The following TSPEAR variants were observed in gnomAD, a reference collection of about 807,000 sequenced individuals.
The protein encoded by TSPEAR is thrombospondin-type laminin G domain and EAR repeat-containing protein.
A neutral mutation model predicts 71.6 loss-of-function variants in TSPEAR; 69 were observed. The ratio of observed to expected loss-of-function variants is 0.96; its 90% CI spans 0.79 to 1.18. TSPEAR has a LOEUF of 1.18. Among genes scored for constraint, TSPEAR ranks in the 50% most tolerant of loss-of-function variants. The pLI, the probability that TSPEAR is intolerant of heterozygous loss-of-function variation, is 0.00. For synonymous variants in TSPEAR, 402 were observed against 387.2 expected (o/e 1.04, Z -0.45); for missense variants, 971 against 894.9 (o/e 1.09, Z -1.09).
intron 1 of TSPEAR, among the ~76,000 whole-genome samples, chr21:44,680,754 C>T (rs782364747): frequency 7.2e-5 from 11 of 152,066 alleles, no homozygotes; most frequent in Non-Finnish European, 1.5e-4. Flanking sequence ...TGGATGGAAC[C>T]GAAGGTCATT....
intron 1 of TSPEAR, among the ~76,000 whole-genome samples, chr21:44,658,999 A>G (rs1025221044): frequency 1.2e-4 from 18 of 152,148 alleles, no homozygotes; most frequent in African/African-American, 4.3e-4. Flanking sequence ...CACCACAAAT[A>G]CAGAGCAGAG....
At chr21:44,551,354 G>T in intron 2 of TSPEAR, 3 of 1,613,190 alleles carry the variant, frequency 1.9e-6, no homozygotes, top group Non-Finnish European at 2.5e-6. Flanking sequence ...GGGCACAGCA[G>T]CTGGGGGTGC....
At chr21:44,627,889 A>G (rs782540696) in intron 1 of TSPEAR, 2 of 1,609,328 alleles carry the variant, frequency 1.2e-6, no homozygotes, top group Non-Finnish European at 8.5e-7. Flanking sequence ...CCCTGTGTGC[A>G]GGCCCGCCTG....
At chr21:44,538,240 T>C (rs1480965675) in intron 2 of TSPEAR, among the ~76,000 whole-genome samples, 1 of 152,166 alleles carries the variant, frequency 6.6e-6, no homozygotes, top group Non-Finnish European at 1.5e-5. Flanking sequence ...CGGAGCCCCA[T>C]GCGCTGCCTG....
chr21:44,641,432 T>C (rs1555938527), intron 1 of TSPEAR, among the ~76,000 whole-genome samples: 1 of 152,084 alleles, frequency 6.6e-6, no homozygotes, highest in Non-Finnish European at 1.5e-5. Flanking sequence ...TGACCCCAGT[T>C]CAGGCAAGGA....
intron 1 of TSPEAR, among the ~76,000 whole-genome samples, chr21:44,590,014 G>A (rs587653104): frequency 6.6e-6 from 1 of 152,250 alleles, no homozygotes; most frequent in Non-Finnish European, 1.5e-5. Flanking sequence ...GGTGGACAAG[G>A]CTGTGTCAGT....
rs782088338 is a variant in TSPEAR at position 44,697,832 on chromosome 21, G to A, written c.82+13601C>T. ...GTGCAGACCCGCCCGCCGCGTGCCC[G>A]TCCCCTCCTGCTGTGTCCCCACCTC... On this transcript the variant is annotated intron_variant, in intron 1 of 11. Coordinates refer to ENST00000323084, the MANE Select transcript of TSPEAR (RefSeq NM_144991.3). The A allele has an allele frequency of 2.4e-5, 39 of 1,613,014 alleles. No individual in the cohort carries two copies. In the Middle Eastern group the frequency reaches 5.0e-4, roughly 21 times the overall value.
chr21:44,546,694 C>T lies in TSPEAR; in HGVS notation c.304-12771G>A, dbSNP rs1320326586. The stretch of plus-strand genomic sequence containing the variant: ...CCTTTTTGGTTGTTGGTTTCCCCTG[C>T]CGCTGTACCCCAAGCCAGCATGTGA... On this transcript the variant is annotated intron_variant, in intron 2 of 11. Coordinates refer to ENST00000323084, the MANE Select transcript of TSPEAR (RefSeq NM_144991.3). This position sits in a 1 kb window ranked among gnomAD's most constrained non-coding sequence, Gnocchi z 4.4. 6.6e-6 allele frequency among the ~76,000 whole-genome samples: 1 copy of T among 152,202 alleles called. No homozygotes were observed. The highest frequency in any genetic ancestry group is 1.5e-5 in the Non-Finnish European group (1 of 68,036).
intron 1 of TSPEAR, among the ~76,000 whole-genome samples, chr21:44,570,273 G>A (rs2053773831): frequency 6.6e-6 from 1 of 152,226 alleles, no homozygotes; most frequent in African/African-American, 2.4e-5. Context: ...TCCCTCCACT[G>A]TTTAATTAAA....
In TSPEAR at chr21:44,709,257, C is replaced by G. The variant is rs1349208226; in HGVS notation, c.82+2176G>C. Among the ~76,000 whole-genome samples, 63 of 152,360 alleles carry G rather than the reference C, an allele frequency of 4.1e-4. 1 individual carries two copies. The highest frequency in any genetic ancestry group is 4.1e-3 in the Admixed American group (63 of 15,306). ...CCGAGCCTAGGGCGCAGCCCACTCT[C>G]CTGGGTCCGCAGCATCACGCAGCCC... is the stretch of plus-strand genomic sequence containing the variant. On this transcript the variant is annotated intron_variant, in intron 1 of 11. Transcript: ENST00000323084.
chr21:44,674,818 G>T lies in TSPEAR; in HGVS notation c.82+36615C>A, dbSNP rs587663953. Among the ~76,000 whole-genome samples, 35 of 147,108 alleles carry T rather than the reference G, an allele frequency of 2.4e-4. No homozygotes were observed. The South Asian group carries it at 3.7e-3, about 15-fold the overall frequency. On this transcript the variant is annotated intron_variant, in intron 1 of 11. Coordinates refer to ENST00000323084, the MANE Select transcript of TSPEAR (RefSeq NM_144991.3). ...TACCAGAGACTATGCTCTAAAAACT[G>T]GTAAACCTAGAGGAAATGATAATTT...
chr21:44,582,043 G>A (rs1428767913), intron 1 of TSPEAR, among the ~76,000 whole-genome samples: 1 of 152,108 alleles, frequency 6.6e-6, no homozygotes, highest in African/African-American at 2.4e-5. Flanking sequence ...ATTAGTAGAG[G>A]TTGTGCGAGA....
At position 44,525,829 on chromosome 21, in the gene TSPEAR, G is replaced by T. The variant is rs782571753; in HGVS notation, c.1160C>A (p.Ala387Glu). The stretch of plus-strand genomic sequence containing the variant: ...CTCATCTGGTTCAAAATTAGCCACT[G>T]CCAGGAAGATCTGAAAGAGAGTAAA... Reference protein sequence around the residue: ...HFTIGKKIFLAVANFEPDEKG... With the variant: ...HFTIGKKIFLEVANFEPDEKG... The change falls in exon 8 of 12, where the codon GCA (alanine) becomes GAA (glutamate). Residue 387 changes from alanine to glutamate, a missense_variant. By Grantham distance (107) the Ala-to-Glu change is moderately radical. Transcript: ENST00000323084. The T allele has an allele frequency of 1.9e-6, 3 of 1,613,970 alleles. No homozygotes were observed. The highest frequency in any genetic ancestry group is 1.3e-5 in the African/African-American group (1 of 74,924).
At chr21:44,660,826 G>C (rs1985444877) in intron 1 of TSPEAR, among the ~76,000 whole-genome samples, 1 of 152,112 alleles carries the variant, frequency 6.6e-6, no homozygotes, top group Admixed American at 6.6e-5. Context: ...AATCAGCCAG[G>C]CATGGTGGTG....
chr21:44,665,562 C>T (rs1271728005), intron 1 of TSPEAR, among the ~76,000 whole-genome samples: 2 of 152,212 alleles, frequency 1.3e-5, no homozygotes, highest in African/African-American at 4.8e-5. Context: ...TTCAGGAATA[C>T]ATAGAGATAT....
intron 1 of TSPEAR, among the ~76,000 whole-genome samples, chr21:44,670,985 C>T (rs1986028924): frequency 6.6e-6 from 1 of 152,226 alleles, no homozygotes; most frequent in Non-Finnish European, 1.5e-5. Flanking sequence ...AATTACCCCA[C>T]ACTATTCACC....
chr21:44,649,770 G>A (rs781957790), intron 1 of TSPEAR, among the ~76,000 whole-genome samples: 1 of 152,196 alleles, frequency 6.6e-6, no homozygotes, highest in African/African-American at 2.4e-5. Context: ...GGCTTGGGCT[G>A]TGTCCTGAAG....
intron 1 of TSPEAR, among the ~76,000 whole-genome samples, chr21:44,580,915 T>C (rs1181922150): frequency 2.0e-5 from 3 of 152,144 alleles, no homozygotes; most frequent in Non-Finnish European, 4.4e-5. Context: ...TTTTGTTGAG[T>C]AGAGGTTTTA....
At chr21:44,587,627 C>A (rs781863954) in intron 1 of TSPEAR, among the ~76,000 whole-genome samples, 10 of 152,176 alleles carry the variant, frequency 6.6e-5, no homozygotes, top group Non-Finnish European at 1.5e-4. Context: ...TGATTTCAAA[C>A]TATACTATAA....
Sources: gnomAD v4.1 joint callset for allele counts (sites outside exome capture counted in the v4.1 genomes callset) on GRCh38, gnomAD v4.1.1 for gene constraint, Gnocchi (gnomAD v3.1) non-coding constraint, MANE v1.5 for transcripts, NCBI Gene and HGNC (gene_info 2026-07-23, HGNC 2026-07-21) for gene names.